FAM227A: variants seen among roughly 807,000 people sequenced by gnomAD.
FAM227A encodes protein FAM227A.
FAM227A carries 80 observed loss-of-function variants against 74.7 expected under a neutral mutation model. The observed-to-expected ratio is 1.07, with a 90% CI of 0.89 to 1.29. FAM227A has a LOEUF of 1.29. Ranked by LOEUF, FAM227A falls within the 50% of genes most tolerant of loss-of-function variation. The pLI is 0.00. For missense variants in FAM227A, 654 were observed against 683.4 expected (o/e 0.96, Z 0.48); for synonymous variants, 237 against 241.8 (o/e 0.98, Z 0.19).
At chr22:38,646,251 T>TTTTC (rs2092235133) in intron 2 of FAM227A, among the ~76,000 whole-genome samples, 1 of 44,296 alleles carries the variant, frequency 2.3e-5, no homozygotes, top group South Asian at 8.9e-4. Flanking sequence ...AGTATTTCTT[T>TTTTC]TTTTTTTTTT....
At position 38,627,784 on chromosome 22, in the gene FAM227A, A is replaced by T. The variant is rs373029211; in HGVS notation, c.726+454T>A. On this transcript the variant is annotated intron_variant, in intron 8 of 16. Coordinates refer to ENST00000535113, the MANE Select transcript of FAM227A (RefSeq NM_001013647.2). ...ACTCCCAGCTAATTTTTGTATCTTT[A>T]GTAGAGACAGGGTTTTGCCATGTTG... Among the ~76,000 whole-genome samples the T allele has an allele frequency of 1.2e-4, 18 of 152,084 alleles. No homozygotes were observed. In the East Asian group the frequency reaches 3.3e-3, roughly 28 times the overall value.
chr22:38,578,187 AAC>A lies in FAM227A; in HGVS notation c.*7936_*7937del, dbSNP rs1247150093. The A allele has an allele frequency of 6.6e-6, 1 of 152,194 alleles. No individual in the cohort carries two copies. Among genetic ancestry groups the A allele is most frequent in the Non-Finnish European group, 1.5e-5 (1 of 68,044 alleles). The allele number at this position is 152,194 out of a possible 1,614,324, so 9.4% of individuals were successfully genotyped here. A position where few individuals can be genotyped will look rare whatever the true frequency, so the allele number is the denominator to read the frequency against. On this transcript the variant is annotated 3_prime_UTR_variant, in exon 17 of 17. Transcript: ENST00000535113. Reference sequence around the variant, plus strand: ...ACTATATTTTATATGACTGGCAGGCAACACAGTACATTTGTTCACACCAACAT... The same window carrying A: ...ACTATATTTTATATGACTGGCAGGCAACAGTACATTTGTTCACACCAACAT...
At chr22:38,609,132 T>G (rs2091355684) in intron 11 of FAM227A, among the ~76,000 whole-genome samples, 1 of 152,126 alleles carries the variant, frequency 6.6e-6, no homozygotes, top group Admixed American at 6.5e-5. Flanking sequence ...CATCTGGAGC[T>G]CCTGCCATCA....
At position 38,582,877 on chromosome 22, in the gene FAM227A, T is replaced by C; in HGVS notation, c.*3248A>G. 6.4e-7 allele frequency: 1 copy of C among 1,550,494 alleles called. No individual in the cohort carries two copies. The highest frequency in any genetic ancestry group is 1.2e-5 in the South Asian group (1 of 84,058). Reference sequence around the variant, plus strand: ...TTGTGCCTACCTTGCTCCTGGTATATTAGGGAAGGCTCCCAAGATGAGGGA... The same window carrying C: ...TTGTGCCTACCTTGCTCCTGGTATACTAGGGAAGGCTCCCAAGATGAGGGA... On this transcript the variant is annotated 3_prime_UTR_variant, in exon 17 of 17. Transcript: ENST00000535113.
chr22:38,606,285 ACCT>A (rs1425967291), intron 12 of FAM227A, among the ~76,000 whole-genome samples: 2 of 151,476 alleles, frequency 1.3e-5, no homozygotes, highest in African/African-American at 2.4e-5. Flanking sequence ...TCCCACCTCA[ACCT>A]CCTGAGTAGC....
chr22:38,641,562 A>G (rs2092114840), intron 3 of FAM227A, among the ~76,000 whole-genome samples: 1 of 151,776 alleles, frequency 6.6e-6, no homozygotes. Context: ...AAAAAAAAAA[A>G]AAAAAACAAA....
intron 11 of FAM227A, among the ~76,000 whole-genome samples, chr22:38,619,856 G>A (rs946475757): frequency 6.6e-6 from 1 of 152,164 alleles, no homozygotes; most frequent in Non-Finnish European, 1.5e-5. Flanking sequence ...ATAGGGCAGA[G>A]GAGAAAGTAC....
chr22:38,593,427 C>T (rs1386219207), intron 15 of FAM227A, among the ~76,000 whole-genome samples: 3 of 152,194 alleles, frequency 2.0e-5, no homozygotes, highest in Non-Finnish European at 4.4e-5. Flanking sequence ...ACGGCATGAA[C>T]CCAGGAGGCG....
At position 38,654,124 on chromosome 22, in the gene FAM227A, G is replaced by A. The variant is rs138222626; in HGVS notation, c.-95+1996C>T. ...ACCACTTTAGGAGGCCGAGGCAGGC[G>A]GATGACGAGGTCAGGAGATCCAGAC... On this transcript the variant is annotated intron_variant, in intron 1 of 16. Transcript: ENST00000535113. Among the ~76,000 whole-genome samples the A allele has an allele frequency of 4.0e-3, 609 of 152,070 alleles. 5 individuals are homozygous for A. The highest frequency in any genetic ancestry group is 0.014 in the African/African-American group (576 of 41,478).
chr22:38,598,211 C>T (rs527574163), intron 14 of FAM227A, among the ~76,000 whole-genome samples: 6 of 152,130 alleles, frequency 3.9e-5, no homozygotes, highest in Non-Finnish European at 7.3e-5. Context: ...GATAATAATG[C>T]CCACTTTAGA....
intron 3 of FAM227A, among the ~76,000 whole-genome samples, chr22:38,644,369 GTGTGA>G: frequency 1.3e-5 from 2 of 151,682 alleles, no homozygotes; most frequent in East Asian, 3.9e-4. Context: ...AAACTATGCT[GTGTGA>G]CACTACAATG....
At chr22:38,608,007 T>C (rs1233286181) in intron 11 of FAM227A, among the ~76,000 whole-genome samples, 1 of 152,098 alleles carries the variant, frequency 6.6e-6, no homozygotes, top group African/African-American at 2.4e-5. Context: ...TATACTTAAG[T>C]GTGGAAAGCA....
At chr22:38,645,445 A>G (rs536314621) in intron 3 of FAM227A, 118 bp downstream of exon 3, 9 of 656,158 alleles carry the variant, frequency 1.4e-5, no homozygotes, top group African/African-American at 1.1e-4. Flanking sequence ...TGAATACTCA[A>G]TTGTGTAAAC....
At chr22:38,640,063 T>C (rs2092081665) in intron 3 of FAM227A, among the ~76,000 whole-genome samples, 1 of 152,056 alleles carries the variant, frequency 6.6e-6, no homozygotes, top group Admixed American at 6.5e-5. Context: ...AGACGGAGTC[T>C]CGCTCTGTTG....
intron 5 of FAM227A, among the ~76,000 whole-genome samples, chr22:38,636,878 C>G (rs189067122): frequency 1.3e-5 from 2 of 149,628 alleles, no homozygotes; most frequent in Admixed American, 1.4e-4. Flanking sequence ...TCAAGCAATT[C>G]TCCTGCCTCA....
chr22:38,623,014 C>T (rs1234274675), intron 10 of FAM227A, among the ~76,000 whole-genome samples, 158 bp downstream of exon 10: 1 of 151,838 alleles, frequency 6.6e-6, no homozygotes, highest in African/African-American at 2.4e-5. Flanking sequence ...TTGTACACTA[C>T]AGTCCACAAG....
intron 11 of FAM227A, among the ~76,000 whole-genome samples, chr22:38,611,464 T>TG: frequency 6.6e-6 from 1 of 152,122 alleles, no homozygotes. Context: ...CTGTTGAACT[T>TG]GGGAAAATTC....
At chr22:38,615,146 C>A (rs888152162) in intron 11 of FAM227A, among the ~76,000 whole-genome samples, 4 of 152,220 alleles carry the variant, frequency 2.6e-5, no homozygotes, top group African/African-American at 7.2e-5. Context: ...GCCTCAGCCT[C>A]CCCGTAGCTG....
chr22:38,587,665 A>G (rs189330813), intron 16 of FAM227A, among the ~76,000 whole-genome samples: 3 of 152,346 alleles, frequency 2.0e-5, no homozygotes, highest in Non-Finnish European at 1.5e-5. Context: ...GGAAGAATTA[A>G]CACCAATTCT....
Sources: allele counts gnomAD v4.1 joint callset (sites outside exome capture counted in the v4.1 genomes callset), GRCh38; gene constraint gnomAD v4.1.1; transcripts MANE v1.5; gene names NCBI Gene and HGNC (gene_info 2026-07-23, HGNC 2026-07-21).